The following RSU1 variants were observed in gnomAD, a reference collection of about 807,000 sequenced individuals.
RSU1 encodes the protein rsu-1.
RSU1 carries 26 observed loss-of-function variants against 31.1 expected under a neutral mutation model. The observed-to-expected ratio is 0.84, with a 90% CI of 0.61 to 1.16. The LOEUF (loss-of-function observed/expected upper bound fraction) is 1.16, where lower values mean the gene tolerates loss of function less well. Among genes scored for constraint, RSU1 ranks in the 50% most tolerant of loss-of-function variants. The pLI is 0.00. For missense variants in RSU1, 320 were observed against 339.1 expected (o/e 0.94, Z 0.44); for synonymous variants, 164 against 136.3 (o/e 1.20, Z -1.41).
At chr10:16,739,997 T>A (rs1023507715) in intron 7 of RSU1, among the ~76,000 whole-genome samples, 2 of 152,120 alleles carry the variant, frequency 1.3e-5, no homozygotes, top group African/African-American at 4.8e-5. Context: ...AAAAACTCAA[T>A]TCATAATTCA....
chr10:16,658,069 T>C (rs942674105), intron 8 of RSU1, among the ~76,000 whole-genome samples: 7 of 152,230 alleles, frequency 4.6e-5, no homozygotes, highest in African/African-American at 1.7e-4. Context: ...GGGGGATTCT[T>C]CTAGGGGATA....
chr10:16,762,682 A>G (rs1260567107), intron 4 of RSU1, among the ~76,000 whole-genome samples: 1 of 152,164 alleles, frequency 6.6e-6, no homozygotes, highest in Non-Finnish European at 1.5e-5. Context: ...GGGAGCAATA[A>G]ACTAAAAATC....
At chr10:16,711,077 C>G (rs1836007824) in intron 7 of RSU1, among the ~76,000 whole-genome samples, 1 of 152,126 alleles carries the variant, frequency 6.6e-6, no homozygotes, top group Admixed American at 6.5e-5. Context: ...CTTTTTATAA[C>G]TAATTGTCTC....
intron 4 of RSU1, among the ~76,000 whole-genome samples, chr10:16,755,252 A>G (rs1013883487): frequency 2.0e-5 from 3 of 151,970 alleles, no homozygotes; most frequent in African/African-American, 7.3e-5. Flanking sequence ...CCTCCCAAGT[A>G]ACTGGGACCA....
intron 2 of RSU1, among the ~76,000 whole-genome samples, chr10:16,796,076 G>A (rs979296805): frequency 6.6e-6 from 1 of 152,108 alleles, no homozygotes; most frequent in African/African-American, 2.4e-5. Flanking sequence ...ATGACTCTTG[G>A]AGCTCTAAGA....
intron 8 of RSU1, among the ~76,000 whole-genome samples, chr10:16,675,282 G>A (rs1038315091): frequency 6.6e-6 from 1 of 151,984 alleles, no homozygotes; most frequent in South Asian, 2.1e-4. Context: ...AGAAAATCAG[G>A]AGGTAACAGA....
intron 8 of RSU1, among the ~76,000 whole-genome samples, chr10:16,677,219 T>TG (rs1234254933): frequency 6.6e-6 from 1 of 152,210 alleles, no homozygotes; most frequent in Admixed American, 6.5e-5. Flanking sequence ...AGAACTTGAT[T>TG]TCTGGCTTTG....
chr10:16,607,805 G>T (rs1422762972), intron 8 of RSU1, among the ~76,000 whole-genome samples: 1 of 152,118 alleles, frequency 6.6e-6, no homozygotes, highest in East Asian at 1.9e-4. Flanking sequence ...AACTCTACAG[G>T]GCTTGTACCT....
intron 8 of RSU1, among the ~76,000 whole-genome samples, chr10:16,665,185 C>T (rs761139701): frequency 6.6e-6 from 1 of 152,034 alleles, no homozygotes; most frequent in Non-Finnish European, 1.5e-5. Flanking sequence ...CTCAGGTGAT[C>T]CCACCTGCCT....
At chr10:16,786,052 G>T (rs541829049) in intron 2 of RSU1, among the ~76,000 whole-genome samples, 1 of 152,014 alleles carries the variant, frequency 6.6e-6, no homozygotes, top group Non-Finnish European at 1.5e-5. Flanking sequence ...CTAAAATTTC[G>T]TTGGTGACTG....
chr10:16,638,750 G>A (rs1012431621), intron 8 of RSU1, among the ~76,000 whole-genome samples: 6 of 152,204 alleles, frequency 3.9e-5, no homozygotes, highest in South Asian at 2.1e-4. Context: ...AGGAGGCCTG[G>A]CGGGAATGGT....
chr10:16,730,514 G>A (rs1035082516), intron 7 of RSU1, among the ~76,000 whole-genome samples: 3 of 152,072 alleles, frequency 2.0e-5, no homozygotes, highest in African/African-American at 7.2e-5. Context: ...TACCCTATTA[G>A]CCAACCCCCC....
At chr10:16,763,011 A>C (rs1056223703) in intron 4 of RSU1, among the ~76,000 whole-genome samples, 3 of 152,022 alleles carry the variant, frequency 2.0e-5, no homozygotes, top group African/African-American at 7.3e-5. Flanking sequence ...AAAAAAAACA[A>C]AAACAAAAAA....
At chr10:16,722,755 T>C (rs1251510197) in intron 7 of RSU1, among the ~76,000 whole-genome samples, 1 of 151,922 alleles carries the variant, frequency 6.6e-6, no homozygotes, top group African/African-American at 2.4e-5. Context: ...TAACTCAAAC[T>C]ACATATGTGT....
chr10:16,687,466 T>C (rs1001198269), intron 8 of RSU1, among the ~76,000 whole-genome samples: 8 of 152,154 alleles, frequency 5.3e-5, no homozygotes, highest in African/African-American at 1.9e-4. Flanking sequence ...GGAAAAATAC[T>C]AGTTACCTGT....
chr10:16,739,360 C>T (rs1461465491), intron 7 of RSU1, among the ~76,000 whole-genome samples: 1 of 151,922 alleles, frequency 6.6e-6, no homozygotes, highest in Non-Finnish European at 1.5e-5. Flanking sequence ...TCTCTACATC[C>T]TCTCCAGCAT....
At chr10:16,632,236 C>T (rs1006390831) in intron 8 of RSU1, among the ~76,000 whole-genome samples, 2 of 152,090 alleles carry the variant, frequency 1.3e-5, no homozygotes, top group African/African-American at 4.8e-5. Context: ...CCAAAGCAAA[C>T]CCCTATGAAG....
chr10:16,728,616 T>A (rs1396861500), intron 7 of RSU1, among the ~76,000 whole-genome samples: 2 of 152,218 alleles, frequency 1.3e-5, no homozygotes, highest in African/African-American at 2.4e-5. Flanking sequence ...TCCCAATCCC[T>A]GGAACCTGCG....
chr10:16,720,110 T>C (rs1267108288), intron 7 of RSU1, among the ~76,000 whole-genome samples: 1 of 152,204 alleles, frequency 6.6e-6, no homozygotes, highest in Non-Finnish European at 1.5e-5. Context: ...TGAAGGGACA[T>C]TTGCTTTCCT....
Sources: gnomAD v4.1 joint callset for allele counts (sites outside exome capture counted in the v4.1 genomes callset) on GRCh38, gnomAD v4.1.1 for gene constraint, MANE v1.5 for transcripts, NCBI Gene and HGNC (gene_info 2026-07-23, HGNC 2026-07-21) for gene names.